Variants in RFTN1 observed in about 807,000 individuals in gnomAD.
RFTN1 encodes the protein raftlin.
RFTN1 carries 26 observed loss-of-function variants against 46.5 expected under a neutral mutation model. The ratio of observed to expected loss-of-function variants is 0.56; its 90% CI spans 0.41 to 0.78. The LOEUF (loss-of-function observed/expected upper bound fraction) is 0.78. RFTN1 is among the 30% of genes least tolerant of loss of function. The pLI is 0.00. For missense variants in RFTN1, 693 were observed against 718.7 expected, an observed-to-expected ratio of 0.96 and a Z score of 0.41; for synonymous variants, 261 against 284.2, an observed-to-expected ratio of 0.92 and a Z score of 0.82.
At chr3:16,453,106 A>G (rs755203040) in intron 2 of RFTN1, among the ~76,000 whole-genome samples, 1 of 152,214 alleles carries the variant, frequency 6.6e-6, no homozygotes, top group Non-Finnish European at 1.5e-5. Flanking sequence ...ATGTACTATT[A>G]TTATCTCCAT....
At position 16,475,393 on chromosome 3, in the gene RFTN1, G is replaced by T. The variant is rs2076264188; in HGVS notation, c.145+18332C>A. On this transcript the variant is annotated intron_variant, in intron 2 of 9. Coordinates refer to ENST00000334133, the MANE Select transcript of RFTN1 (RefSeq NM_015150.2). The surrounding 1 kb of genome is among the most constrained non-coding windows in gnomAD (Gnocchi z 4.2). ...TTTGGAGCTGCTGGTTCCCAAGAGA[G>T]GAATGCTTCCTCCAGGAGACACTGC... 6.6e-6 allele frequency among the ~76,000 whole-genome samples: 1 copy of T among 152,194 alleles called. No individual in the cohort carries two copies. The highest frequency in any genetic ancestry group is 2.4e-5 in the African/African-American group (1 of 41,448).
Position 16,442,846 on chromosome 3 carries a change from G to A in RFTN1, c.146-8809C>T, listed in dbSNP as rs1435119766. On this transcript the variant is annotated intron_variant, in intron 2 of 9. Coordinates refer to ENST00000334133, the MANE Select transcript of RFTN1 (RefSeq NM_015150.2). The surrounding 1 kb of genome is among the most constrained non-coding windows in gnomAD (Gnocchi z 4.1). ...GATTACGTAGTATTTTTCCTTCTGT[G>A]TCTGGCTTATTTCACTTAGCAGAAT... is the stretch of plus-strand genomic sequence containing the variant. Among the ~76,000 whole-genome samples the A allele has an allele frequency of 2.0e-5, 3 of 152,134 alleles. No individual in the cohort carries two copies. The East Asian group carries it at 5.8e-4, about 29-fold the overall frequency.
chr3:16,468,585 C>T lies in RFTN1; in HGVS notation c.145+25140G>A, dbSNP rs17042321. Among the ~76,000 whole-genome samples the T allele has an allele frequency of 0.11, 15,954 of 145,044 alleles. 1,311 individuals are homozygous for T. The highest frequency in any genetic ancestry group is 0.33 in the East Asian group (1,627 of 4,924). On this transcript the variant is annotated intron_variant, in intron 2 of 9. Transcript: ENST00000334133. The surrounding 1 kb of genome is among the most constrained non-coding windows in gnomAD (Gnocchi z 4.4). ...CAGCCCAAATAGAGTGATGGAGTAG[C>T]GGGGAGAGGCTGACGCATTTCCTCA...
intron 4 of RFTN1, among the ~76,000 whole-genome samples, chr3:16,386,604 C>T (rs2074183860): frequency 6.6e-6 from 1 of 152,180 alleles, no homozygotes; most frequent in Admixed American, 6.5e-5. Context: ...CTGGGAAATA[C>T]CAGGGCTAGA....
chr3:16,480,056 G>A lies in RFTN1; in HGVS notation c.145+13669C>T, dbSNP rs1308394470. 6.6e-6 allele frequency among the ~76,000 whole-genome samples: 1 copy of A among 152,186 alleles called. No homozygotes were observed. The highest frequency in any genetic ancestry group is 1.5e-5 in the Non-Finnish European group (1 of 68,040). On this transcript the variant is annotated intron_variant, in intron 2 of 9. Coordinates refer to ENST00000334133, the MANE Select transcript of RFTN1 (RefSeq NM_015150.2). This position sits in a 1 kb window ranked among gnomAD's most constrained non-coding sequence, Gnocchi z 4.3. ...CTACATTGAGAGACCTTACTATCTT[G>A]TTCACCATTGCATGCTCAATACAGA...
chr3:16,361,957 C>T lies in RFTN1; in HGVS notation c.1031-3910G>A, dbSNP rs2072859802. 6.6e-6 allele frequency among the ~76,000 whole-genome samples: 1 copy of T among 152,168 alleles called. No homozygotes were observed. Among genetic ancestry groups the T allele is most frequent in the Non-Finnish European group, 1.5e-5 (1 of 68,028 alleles). On this transcript the variant is annotated intron_variant, in intron 6 of 9. Transcript: ENST00000334133. This position sits in a 1 kb window ranked among gnomAD's most constrained non-coding sequence, Gnocchi z 4.3. ...TGCTCCAGCCAACCCCAAAATCTGC[C>T]AGAGTAAATTGTTACCATTGTAAGC...
intron 7 of RFTN1, chr3:16,347,916 G>C (rs926597650): frequency 6.6e-6 from 1 of 152,232 alleles, no homozygotes; most frequent in African/African-American, 2.4e-5. Flanking sequence ...AGGATGTGCT[G>C]CCAGTGAGGG....
intron 2 of RFTN1, among the ~76,000 whole-genome samples, chr3:16,486,367 A>T (rs184812981): frequency 6.6e-6 from 1 of 151,820 alleles, no homozygotes; most frequent in African/African-American, 2.4e-5. Context: ...AGTGCTTTTG[A>T]GCTTAGACTC....
At chr3:16,372,439 G>A (rs1039411355) in intron 5 of RFTN1, among the ~76,000 whole-genome samples, 3 of 152,204 alleles carry the variant, frequency 2.0e-5, no homozygotes, top group Admixed American at 6.5e-5. Context: ...CGGTGGGCTC[G>A]GCCAGAGCTG....
intron 8 of RFTN1, among the ~76,000 whole-genome samples, chr3:16,326,204 G>A (rs1164468783): frequency 2.6e-5 from 4 of 152,244 alleles, no homozygotes; most frequent in African/African-American, 9.6e-5. Context: ...AGAGCTGAGA[G>A]TGGACAAATG....
intron 4 of RFTN1, among the ~76,000 whole-genome samples, chr3:16,386,003 G>A (rs2074159293): frequency 6.6e-6 from 1 of 152,288 alleles, no homozygotes; most frequent in African/African-American, 2.4e-5. Context: ...ACACCCACAA[G>A]GAAACTGATA....
Position 16,421,140 on chromosome 3 carries a change from A to G in RFTN1, c.333-11657T>C, listed in dbSNP as rs1460625390. ...AAACATACAAAACAGAAAATCGTAAACAACAGAAATGATGAAATAAGCAAT... is the reference window on the plus strand; with the variant it reads ...AAACATACAAAACAGAAAATCGTAAGCAACAGAAATGATGAAATAAGCAAT... On this transcript the variant is annotated intron_variant, in intron 3 of 9. Coordinates refer to ENST00000334133, the MANE Select transcript of RFTN1 (RefSeq NM_015150.2). The surrounding 1 kb of genome is among the most constrained non-coding windows in gnomAD (Gnocchi z 4.6). Among the ~76,000 whole-genome samples the G allele has an allele frequency of 6.6e-6, 1 of 152,250 alleles. No individual in the cohort carries two copies. Among genetic ancestry groups the G allele is most frequent in the Non-Finnish European group, 1.5e-5 (1 of 68,036 alleles).
At chr3:16,488,803 A>G (rs1459414986) in intron 2 of RFTN1, among the ~76,000 whole-genome samples, 1 of 152,248 alleles carries the variant, frequency 6.6e-6, no homozygotes, top group East Asian at 1.9e-4. Context: ...GTCTGCAAAA[A>G]GAAATGAGTG....
rs111400874 is a variant in RFTN1, at chr3:16,374,410, C to T, written c.826+3308G>A. Among the ~76,000 whole-genome samples, 6 of 152,190 alleles carry T rather than the reference C, an allele frequency of 3.9e-5. No individual in the cohort carries two copies. The highest frequency in any genetic ancestry group is 1.4e-4 in the African/African-American group (6 of 41,510). ...GCAGGTGGCAGATCTGGGAGGGGGC[C>T]GCATCATGGGGTCCAACTATCCCAA... On this transcript the variant is annotated intron_variant, in intron 5 of 9. Coordinates refer to ENST00000334133, the MANE Select transcript of RFTN1 (RefSeq NM_015150.2). The surrounding 1 kb of genome is among the most constrained non-coding windows in gnomAD (Gnocchi z 5.4).
chr3:16,478,148 CCCAA>C (rs1233311560), intron 2 of RFTN1, among the ~76,000 whole-genome samples: 1 of 152,142 alleles, frequency 6.6e-6, no homozygotes, highest in Non-Finnish European at 1.5e-5. Context: ...GAAAATTGTC[CCCAA>C]CCAAACAGGA....
At position 16,407,051 on chromosome 3, in the gene RFTN1, T is replaced by G. The variant is rs562619727; in HGVS notation, c.441+2324A>C. Among the ~76,000 whole-genome samples the G allele has an allele frequency of 8.0e-4, 122 of 152,326 alleles. No homozygotes were observed. Among genetic ancestry groups the G allele is most frequent in the African/African-American group, 2.8e-3 (118 of 41,558 alleles). On this transcript the variant is annotated intron_variant, in intron 4 of 9. Transcript: ENST00000334133. This position sits in a 1 kb window ranked among gnomAD's most constrained non-coding sequence, Gnocchi z 4.0. ...CAGATGGACATCTCCACTTGGGTAC[T>G]ACAGAAACAACACCCCAGTAGCTCG...
chr3:16,388,221 C>G (rs991044053), intron 4 of RFTN1, among the ~76,000 whole-genome samples: 9 of 152,180 alleles, frequency 5.9e-5, no homozygotes, highest in Admixed American at 4.6e-4. Context: ...GCTGTTCCCC[C>G]CTCCATCTCC....
In RFTN1 at chr3:16,481,023, A is replaced by ACC. The variant is rs2076358031; in HGVS notation, c.145+12701_145+12702insGG. On this transcript the variant is annotated intron_variant, in intron 2 of 9. Coordinates refer to ENST00000334133, the MANE Select transcript of RFTN1 (RefSeq NM_015150.2). The surrounding 1 kb of genome is among the most constrained non-coding windows in gnomAD (Gnocchi z 5.1). ...GACACACACACACACACACACACAC[A>ACC]CACACACCTGAGCCCATTTTCATAC... is the stretch of plus-strand genomic sequence containing the variant. Among the ~76,000 whole-genome samples the ACC allele has an allele frequency of 6.6e-6, 1 of 151,436 alleles. No individual in the cohort carries two copies. The highest frequency in any genetic ancestry group is 2.4e-5 in the African/African-American group (1 of 41,168).
At chr3:16,441,580 A>G (rs2075625291) in intron 2 of RFTN1, among the ~76,000 whole-genome samples, 1 of 152,222 alleles carries the variant, frequency 6.6e-6, no homozygotes, top group African/African-American at 2.4e-5. Flanking sequence ...CGCATACAGC[A>G]ACTGCCCATT....
Sources: allele counts gnomAD v4.1 joint callset (sites outside exome capture counted in the v4.1 genomes callset), GRCh38; gene constraint gnomAD v4.1.1; non-coding constraint Gnocchi (gnomAD v3.1); transcripts MANE v1.5; gene names NCBI Gene and HGNC (gene_info 2026-07-23, HGNC 2026-07-21).